The following IQSEC2 variants were observed in gnomAD, a reference collection of about 807,000 sequenced individuals.
IQSEC2 encodes the protein IQ motif and Sec7 domain ArfGEF 2.
In IQSEC2, 6 loss-of-function variants were observed where a neutral mutation model predicts 74.6. The ratio of observed to expected loss-of-function variants is 0.08; its 90% CI spans 0.04 to 0.16. The LOEUF (loss-of-function observed/expected upper bound fraction) is 0.16, where lower values mean the gene tolerates loss of function less well. Among genes scored for constraint, IQSEC2 ranks in the 10% least tolerant of loss-of-function variants. The probability of loss-of-function intolerance (pLI) is 1.00; values close to 1 mark genes in which losing one functional copy is unlikely to be tolerated. For synonymous variants in IQSEC2, 494 were observed against 544.5 expected, an observed-to-expected ratio of 0.91 and a Z score of 1.29; for missense variants, 734 against 1,306.2, an observed-to-expected ratio of 0.56 and a Z score of 6.75.
At chrX:53,247,872 C>T (rs1319989793) in intron 7 of IQSEC2, among the ~76,000 whole-genome samples, 5 of 112,125 alleles carry the variant, frequency 4.5e-5, no homozygotes, top group African/African-American at 1.3e-4. Flanking sequence ...GTAAGTGCTC[C>T]GTGAATGTTA....
intron 2 of IQSEC2, among the ~76,000 whole-genome samples, chrX:53,270,068 C>A: frequency 1.1e-5 from 1 of 88,552 alleles, no homozygotes; most frequent in Non-Finnish European, 2.4e-5. Context: ...GGTCCCGGAC[C>A]CGTCGAGCCC....
chrX:53,255,010 C>G, intron 3 of IQSEC2, 79 bp from the exon 4 acceptor site: 1 of 1,020,799 alleles, frequency 9.8e-7, no homozygotes, highest in Admixed American at 2.4e-5. Context: ...CCACACCACC[C>G]CCACTGGAAT....
At chrX:53,235,239 C>T in intron 14 of IQSEC2, 55 bp from the exon 15 acceptor site, 4 of 1,157,361 alleles carry the variant, frequency 3.5e-6, no homozygotes, top group Non-Finnish European at 4.6e-6. Context: ...AACCCCCAGC[C>T]CTAAATTCCA....
intron 1 of IQSEC2, among the ~76,000 whole-genome samples, chrX:53,315,574 G>A (rs1470948384): frequency 4.5e-5 from 5 of 111,343 alleles, no homozygotes; most frequent in Admixed American, 2.9e-4. Context: ...CAACCTTTCT[G>A]GGCCTCAGTT....
chrX:53,239,460 T>C, intron 10 of IQSEC2, 166 bp from the exon 11 acceptor site: 1 of 422,757 alleles, frequency 2.4e-6, no homozygotes, highest in Non-Finnish European at 4.1e-6. Context: ...AGGGACAGAA[T>C]GGGAGACATG....
Position 53,239,262 on chromosome X carries a change from C to T in IQSEC2, c.3048G>A (p.Leu1016=). 12 of 1,209,463 alleles carry T rather than the reference C, an allele frequency of 9.9e-6. No homozygotes were observed. Among genetic ancestry groups the T allele is most frequent in the Non-Finnish European group, 1.3e-5 (12 of 893,734 alleles). The change falls in exon 11 of 15, where the codon TTG becomes TTA. Residue 1016 remains leucine (L), a synonymous_variant. Coordinates refer to ENST00000642864, the MANE Select transcript of IQSEC2 (RefSeq NM_001111125.3). ...VTKIFQKKKI[L]VTYSFRQSFP... ...AAGACTGACGGAAACTGTACGTCACCAAGATCTTCTTCTTCTGGAAAATTT... is the reference window on the plus strand; with the variant it reads ...AAGACTGACGGAAACTGTACGTCACTAAGATCTTCTTCTTCTGGAAAATTT...
chrX:53,310,788 G>A (rs933215598), intron 1 of IQSEC2, among the ~76,000 whole-genome samples: 16 of 110,883 alleles, frequency 1.4e-4, no homozygotes, highest in African/African-American at 5.2e-4. Context: ...CAGAAAGAAG[G>A]CTGGGCCTGA....
At chrX:53,248,440 G>A (rs1569300456) in intron 6 of IQSEC2, among the ~76,000 whole-genome samples, 1 of 111,366 alleles carries the variant, frequency 9.0e-6, no homozygotes, top group East Asian at 2.8e-4. Context: ...GGTCACTAAA[G>A]GTCCTTTCCA....
chrX:53,265,619 G>A (rs2074644402), intron 2 of IQSEC2, among the ~76,000 whole-genome samples: 1 of 111,325 alleles, frequency 9.0e-6, no homozygotes. Flanking sequence ...GGGGGTATGA[G>A]CCCACTTCAG....
chrX:53,302,668 C>T (rs781953074), intron 1 of IQSEC2, among the ~76,000 whole-genome samples: 11 of 112,012 alleles, frequency 9.8e-5, no homozygotes, highest in South Asian at 7.4e-4. Context: ...CCAGGCACGG[C>T]GGCTCATGCC....
intron 1 of IQSEC2, among the ~76,000 whole-genome samples, chrX:53,293,075 G>A (rs1030059976): frequency 4.5e-5 from 5 of 112,011 alleles, no homozygotes; most frequent in African/African-American, 1.6e-4. Context: ...TATGCTAAGC[G>A]CTAAATGACA....
intron 14 of IQSEC2, 106 bp downstream of exon 14, chrX:53,235,677 T>C: frequency 2.3e-6 from 2 of 868,122 alleles, no homozygotes; most frequent in East Asian, 3.4e-5. Context: ...AGCCGCATGG[T>C]TCCCAGCAGG....
chrX:53,278,003 CTTTTTTTTTTTTT>C lies in IQSEC2; in HGVS notation c.737+13879_737+13891del, dbSNP rs36027805. Among the ~76,000 whole-genome samples the C allele has an allele frequency of 1.6e-4, 6 of 37,573 alleles. No homozygotes were observed. The Admixed American group carries it at 3.0e-3, about 19-fold the overall frequency. 32.6% of individuals were successfully genotyped at this position (37,573 alleles called of 115,157 possible). A position where few individuals can be genotyped will look rare whatever the true frequency, so the allele number is the denominator to read the frequency against. On this transcript the variant is annotated intron_variant, in intron 2 of 14. Coordinates refer to ENST00000642864, the MANE Select transcript of IQSEC2 (RefSeq NM_001111125.3). ...TCTTTTTTTCTTTTCTTTTCTTTTTCTTTTTTTTTTTTTTTTTTTTTTTTTGAGACGGAGTCTC... is the reference window on the plus strand; with the variant it reads ...TCTTTTTTTCTTTTCTTTTCTTTTTCTTTTTTTTTTTTGAGACGGAGTCTC...
intron 7 of IQSEC2, 84 bp downstream of exon 7, chrX:53,248,030 G>T: frequency 9.4e-7 from 1 of 1,067,780 alleles, no homozygotes; most frequent in Non-Finnish European, 1.3e-6. Context: ...AAAGTATGAG[G>T]CTCAGAGAAG....
chrX:53,234,297 G>A lies in IQSEC2; in HGVS notation c.4389C>T (p.Ala1463=). 6 of 910,243 alleles carry A rather than the reference G, an allele frequency of 6.6e-6. No homozygotes were observed. The highest frequency in any genetic ancestry group is 2.3e-5 in the African/African-American group (1 of 44,013). 75.0% of individuals were successfully genotyped at this position (910,243 alleles called of 1,213,427 possible). A position where few individuals can be genotyped will look rare whatever the true frequency, so the allele number is the denominator to read the frequency against. ...PPTSPHGPLH[A]SGPPGTANPP... is the part of the protein sequence containing the mutation. Reference sequence around the variant, plus strand: ...GGTTGGCTGTGCCAGGGGGCCCAGAGGCGTGCAGCGGGCCATGGGGGGAGG... The same window carrying A: ...GGTTGGCTGTGCCAGGGGGCCCAGAAGCGTGCAGCGGGCCATGGGGGGAGG... Residue 1463 remains alanine, a synonymous_variant, in exon 15 of 15, where the codon GCC becomes GCT. Coordinates refer to ENST00000642864, the MANE Select transcript of IQSEC2 (RefSeq NM_001111125.3).
chrX:53,250,911 A>G lies in IQSEC2; in HGVS notation c.1665T>C (p.Pro555=), dbSNP rs782560843. ...FWAPAPLPPV[P]PPVPSGTRED... Reference sequence around the variant, plus strand: ...CCCGGGTTCCTGATGGCACTGGTGGAGGAACTGGCGGGAGAGGGGCTGGCG... The same window carrying G: ...CCCGGGTTCCTGATGGCACTGGTGGGGGAACTGGCGGGAGAGGGGCTGGCG... The change falls in exon 5 of 15, where the codon CCT becomes CCC. Residue 555 remains proline (P), a synonymous_variant. Coordinates refer to ENST00000642864, the MANE Select transcript of IQSEC2 (RefSeq NM_001111125.3). The G allele has an allele frequency of 8.3e-7, 1 of 1,209,067 alleles. No individual in the cohort carries two copies. Among genetic ancestry groups the G allele is most frequent in the East Asian group, 3.0e-5 (1 of 33,718 alleles).
chrX:53,242,152 G>A (rs1165049788), intron 9 of IQSEC2, among the ~76,000 whole-genome samples: 1 of 111,122 alleles, frequency 9.0e-6, no homozygotes, highest in East Asian at 2.8e-4. Context: ...TTTCCATCCC[G>A]GCCGGGCGCA....
chrX:53,279,927 GAGGGAGGAAGGAAGGA>G (rs1423517737), intron 2 of IQSEC2, among the ~76,000 whole-genome samples: 6 of 53,299 alleles, frequency 1.1e-4, no homozygotes, highest in Admixed American at 5.0e-4. Context: ...GGGAGGGAGG[GAGGGAGGAAGGAAGGA>G]AGGAAGGAAG....
chrX:53,246,427 C>T (rs1030203625), intron 8 of IQSEC2, among the ~76,000 whole-genome samples: 8 of 111,865 alleles, frequency 7.2e-5, no homozygotes, highest in Non-Finnish European at 1.1e-4. Context: ...GTCAGCCTCT[C>T]CCACACACAG....
Sources: gnomAD v4.1 joint callset for allele counts (sites outside exome capture counted in the v4.1 genomes callset) on GRCh38, gnomAD v4.1.1 for gene constraint, MANE v1.5 for transcripts, NCBI Gene and HGNC (gene_info 2026-07-23, HGNC 2026-07-21) for gene names.